ADAMTSL1: variants seen among roughly 807,000 people sequenced by gnomAD.
ADAMTSL1 encodes ADAMTS like 1, also known as ADAMTS-like protein 1.
ADAMTSL1 carries 126 observed loss-of-function variants against 201.8 expected under a neutral mutation model. The ratio of observed to expected loss-of-function variants is 0.62; its 90% confidence interval spans 0.54 to 0.72. The LOEUF (loss-of-function observed/expected upper bound fraction) is 0.72. Among genes scored for constraint, ADAMTSL1 ranks in the 30% least tolerant of loss-of-function variants. ADAMTSL1 has a pLI of 0.00. For missense variants in ADAMTSL1, 2,679 were observed against 2,277.8 expected, an observed-to-expected ratio of 1.18 and a Z score of -3.59; for synonymous variants, 1,121 against 903.4, an observed-to-expected ratio of 1.24 and a Z score of -4.32.
At chr9:18,208,660 A>T (rs1490833370) in intron 2 of ADAMTSL1, among the ~76,000 whole-genome samples, 1 of 152,198 alleles carries the variant, frequency 6.6e-6, no homozygotes, top group East Asian at 1.9e-4. Context: ...CATAGAGGGG[A>T]TAAGTGATCT....
intron 2 of ADAMTSL1, among the ~76,000 whole-genome samples, chr9:18,290,208 C>T (rs769435315): frequency 2.6e-5 from 4 of 152,114 alleles, no homozygotes; most frequent in Non-Finnish European, 5.9e-5. Flanking sequence ...GCCTATACAG[C>T]ACTCATCACC....
intron 4 of ADAMTSL1, among the ~76,000 whole-genome samples, chr9:18,590,487 T>G (rs1396995284): frequency 1.3e-5 from 2 of 152,108 alleles, no homozygotes; most frequent in African/African-American, 4.8e-5. Context: ...GTTGACCTTT[T>G]GTATTAGTTT....
intron 1 of ADAMTSL1, among the ~76,000 whole-genome samples, chr9:18,131,649 A>G (rs1825958148): frequency 6.6e-6 from 1 of 152,054 alleles, no homozygotes; most frequent in African/African-American, 2.4e-5. Context: ...TAAGCTCTTG[A>G]TTGTGGCTGT....
chr9:18,355,252 C>T (rs1836168262), intron 2 of ADAMTSL1, among the ~76,000 whole-genome samples: 1 of 152,024 alleles, frequency 6.6e-6, no homozygotes. Flanking sequence ...ATTTGAAGGT[C>T]CTTCAAACTC....
chr9:18,653,998 C>A (rs964878065), intron 7 of ADAMTSL1, among the ~76,000 whole-genome samples: 2 of 152,156 alleles, frequency 1.3e-5, no homozygotes, highest in African/African-American at 4.8e-5. Flanking sequence ...GAGGCCGAGG[C>A]GGGTGGATCA....
chr9:18,423,801 A>G (rs1028617815), intron 2 of ADAMTSL1, among the ~76,000 whole-genome samples: 5 of 152,254 alleles, frequency 3.3e-5, no homozygotes, highest in Non-Finnish European at 5.9e-5. Context: ...ATGTAGGGAC[A>G]AAATAGGATG....
intron 7 of ADAMTSL1, among the ~76,000 whole-genome samples, chr9:18,641,093 C>T (rs1827406437): frequency 6.6e-6 from 1 of 152,018 alleles, no homozygotes; most frequent in Non-Finnish European, 1.5e-5. Flanking sequence ...GGGCAGGTCC[C>T]CCAGCACCTT....
At chr9:18,315,420 G>C (rs571951282) in intron 2 of ADAMTSL1, among the ~76,000 whole-genome samples, 5 of 152,064 alleles carry the variant, frequency 3.3e-5, no homozygotes, top group African/African-American at 1.2e-4. Context: ...GGCCGTGTGG[G>C]AGCCCAAGGG....
intron 4 of ADAMTSL1, among the ~76,000 whole-genome samples, chr9:18,591,976 T>A (rs1483445123): frequency 1.3e-5 from 2 of 152,182 alleles, no homozygotes; most frequent in Non-Finnish European, 2.9e-5. Flanking sequence ...ACTTTTGAAG[T>A]GTTGGTTGTG....
intron 3 of ADAMTSL1, among the ~76,000 whole-genome samples, chr9:18,570,658 T>C (rs552343159): frequency 1.8e-3 from 280 of 152,340 alleles, no homozygotes; most frequent in Admixed American, 4.1e-3. Flanking sequence ...TAAGTCCTTT[T>C]TCTTAAAACA....
At chr9:18,081,301 A>G (rs1441553628) in intron 1 of ADAMTSL1, among the ~76,000 whole-genome samples, 1 of 152,026 alleles carries the variant, frequency 6.6e-6, no homozygotes, top group East Asian at 1.9e-4. Context: ...ATTCAGAGTA[A>G]TTGTTTTACA....
At chr9:18,037,012 CT>C (rs1821228962) in intron 1 of ADAMTSL1, among the ~76,000 whole-genome samples, 1 of 152,182 alleles carries the variant, frequency 6.6e-6, no homozygotes, top group Non-Finnish European at 1.5e-5. Flanking sequence ...TGTCCCCTCC[CT>C]TTTGGGGCTT....
At chr9:18,121,533 C>T (rs931043341) in intron 1 of ADAMTSL1, among the ~76,000 whole-genome samples, 2 of 152,262 alleles carry the variant, frequency 1.3e-5, no homozygotes, top group African/African-American at 2.4e-5. Flanking sequence ...AATGCAAACT[C>T]ATTGTAGAAC....
chr9:18,237,158 A>G (rs1830880768), intron 2 of ADAMTSL1, among the ~76,000 whole-genome samples: 1 of 152,208 alleles, frequency 6.6e-6, no homozygotes, highest in Non-Finnish European at 1.5e-5. Context: ...ACAGATTTCC[A>G]AGAGATCATG....
chr9:18,808,124 G>A (rs576827910), intron 20 of ADAMTSL1, among the ~76,000 whole-genome samples: 2 of 152,258 alleles, frequency 1.3e-5, no homozygotes, highest in South Asian at 4.1e-4. Context: ...CCAGGAAGAA[G>A]AGGAACCAGT....
rs185328537 is a variant in ADAMTSL1, at chr9:18,352,721, A to G, written c.208-152108A>G. ...CTACAGAAAACCATCAGATGATTTT[A>G]TTTTATTTTTTATTAGGCAATAAAT... On this transcript the variant is annotated intron_variant, in intron 2 of 29. Coordinates refer to the ADAMTSL1 transcript ENST00000680146. Among the ~76,000 whole-genome samples, 481 of 152,278 alleles carry G rather than the reference A, an allele frequency of 3.2e-3. 1 individual carries two copies. The highest frequency in any genetic ancestry group is 5.6e-3 in the Non-Finnish European group (381 of 67,994).
chr9:18,048,572 G>T lies in ADAMTSL1; in HGVS notation c.88-115290G>T, dbSNP rs189102084. Among the ~76,000 whole-genome samples, 152 of 152,262 alleles carry T rather than the reference G, an allele frequency of 1.0e-3. 1 individual carries two copies. The highest frequency in any genetic ancestry group is 3.6e-3 in the African/African-American group (151 of 41,552). ...GGAGATGTTACTAATCGGGGAAATT[G>T]GGTGTGAGATATATGGGGATTCTCT... On this transcript the variant is annotated intron_variant, in intron 1 of 29. Coordinates refer to the ADAMTSL1 transcript ENST00000680146.
chr9:18,855,615 A>C (rs1826792409), intron 23 of ADAMTSL1, among the ~76,000 whole-genome samples: 1 of 152,178 alleles, frequency 6.6e-6, no homozygotes, highest in Non-Finnish European at 1.5e-5. Flanking sequence ...TCAATATTTT[A>C]TCTCTGAAAG....
At chr9:18,096,967 C>T (rs1329488802) in intron 1 of ADAMTSL1, among the ~76,000 whole-genome samples, 2 of 152,138 alleles carry the variant, frequency 1.3e-5, no homozygotes, top group Non-Finnish European at 2.9e-5. Context: ...AAAAGGCATC[C>T]ATTGTAAGTA....
Sources: gnomAD v4.1 joint callset for allele counts (sites outside exome capture counted in the v4.1 genomes callset) on GRCh38, gnomAD v4.1.1 for gene constraint, MANE v1.5 for transcripts, NCBI Gene and HGNC (gene_info 2026-07-23, HGNC 2026-07-21) for gene names.